SEMA3C: variants seen among roughly 807,000 people sequenced by gnomAD.
SEMA3C encodes the protein semaphorin 3C, also known as semaphorin-3C.
A neutral mutation model predicts 89.4 loss-of-function variants in SEMA3C; 47 were observed. The observed-to-expected ratio is 0.53, with a 90% CI of 0.42 to 0.67. The LOEUF is 0.67. Among genes scored for constraint, SEMA3C ranks in the 30% least tolerant of loss-of-function variants. SEMA3C has a pLI of 0.00. For missense variants in SEMA3C, 839 were observed against 929.1 expected, an observed-to-expected ratio of 0.90 and a Z score of 1.26; for synonymous variants, 310 against 320.2, an observed-to-expected ratio of 0.97 and a Z score of 0.34.
At chr7:80,903,718 T>C (rs1254898222) in intron 2 of SEMA3C, among the ~76,000 whole-genome samples, 1 of 152,168 alleles carries the variant, frequency 6.6e-6, no homozygotes, top group Non-Finnish European at 1.5e-5. Context: ...TCCTTCTCAA[T>C]GGAAACATCA....
intron 15 of SEMA3C, among the ~76,000 whole-genome samples, chr7:80,753,923 G>C (rs931667504): frequency 1.5e-5 from 2 of 132,432 alleles, no homozygotes; most frequent in Non-Finnish European, 3.3e-5. Context: ...GTTTACTAGA[G>C]TTTTGTTTGT....
At chr7:80,815,586 G>C (rs888180584) in intron 5 of SEMA3C, among the ~76,000 whole-genome samples, 7 of 108,818 alleles carry the variant, frequency 6.4e-5, no homozygotes, top group Non-Finnish European at 7.9e-5. Flanking sequence ...AAATGTAGAG[G>C]AAAGGGAATG....
intron 2 of SEMA3C, among the ~76,000 whole-genome samples, chr7:80,847,109 G>A (rs1158052360): frequency 6.6e-6 from 1 of 152,190 alleles, no homozygotes; most frequent in Admixed American, 6.5e-5. Flanking sequence ...AGACTGGAAG[G>A]CTGTGCCTGT....
At chr7:80,753,764 A>G (rs1314377069) in intron 15 of SEMA3C, among the ~76,000 whole-genome samples, 1 of 152,182 alleles carries the variant, frequency 6.6e-6, no homozygotes, top group Non-Finnish European at 1.5e-5. Context: ...TTTATTTGAA[A>G]ATTGGTCTGA....
At chr7:80,867,095 C>T (rs1457400560) in intron 2 of SEMA3C, among the ~76,000 whole-genome samples, 2 of 152,186 alleles carry the variant, frequency 1.3e-5, no homozygotes, top group South Asian at 4.1e-4. Flanking sequence ...ACAAAATACA[C>T]AACAAAATTA....
intron 2 of SEMA3C, among the ~76,000 whole-genome samples, chr7:80,888,512 GGTT>G (rs1471803470): frequency 5.3e-5 from 8 of 152,090 alleles, no homozygotes; most frequent in African/African-American, 1.9e-4. Context: ...GTTCTTACAA[GGTT>G]GTTGACGTGA....
chr7:80,754,745 A>C (rs1429350435), intron 15 of SEMA3C, among the ~76,000 whole-genome samples: 1 of 151,908 alleles, frequency 6.6e-6, no homozygotes, highest in Non-Finnish European at 1.5e-5. Context: ...GAATTAAGGC[A>C]CTGCTGGAGA....
chr7:80,832,980 T>A (rs1440946142), intron 2 of SEMA3C, among the ~76,000 whole-genome samples: 2 of 152,198 alleles, frequency 1.3e-5, no homozygotes, highest in Non-Finnish European at 2.9e-5. Context: ...TTTGATGTTT[T>A]TTCCAAACCA....
At chr7:80,899,814 T>C (rs1327686050) in intron 2 of SEMA3C, among the ~76,000 whole-genome samples, 2 of 152,212 alleles carry the variant, frequency 1.3e-5, no homozygotes, top group Non-Finnish European at 2.9e-5. Context: ...GATTCATTTT[T>C]AAATATTATA....
At chr7:80,848,669 C>T (rs1790443768) in intron 2 of SEMA3C, among the ~76,000 whole-genome samples, 1 of 152,132 alleles carries the variant, frequency 6.6e-6, no homozygotes, top group African/African-American at 2.4e-5. Flanking sequence ...TACTCTGTTT[C>T]TCCAGCAAGT....
chr7:80,752,192 T>G (rs931828835), intron 15 of SEMA3C, among the ~76,000 whole-genome samples: 3 of 152,234 alleles, frequency 2.0e-5, no homozygotes, highest in African/African-American at 2.4e-5. Flanking sequence ...TAATGCATAT[T>G]CTATATTAAA....
intron 6 of SEMA3C, among the ~76,000 whole-genome samples, chr7:80,809,191 C>A (rs191159723): frequency 9.6e-4 from 146 of 152,080 alleles, no homozygotes; most frequent in Non-Finnish European, 1.0e-3. Flanking sequence ...GATCATTAAG[C>A]AATTAGGCCC....
intron 12 of SEMA3C, among the ~76,000 whole-genome samples, chr7:80,772,005 T>C (rs916739980): frequency 1.3e-5 from 2 of 152,212 alleles, no homozygotes; most frequent in Admixed American, 1.3e-4. Flanking sequence ...CCATATTTAC[T>C]AAAAGGCATC....
At chr7:80,852,493 TAA>T (rs1015973248) in intron 2 of SEMA3C, among the ~76,000 whole-genome samples, 3 of 152,070 alleles carry the variant, frequency 2.0e-5, no homozygotes, top group African/African-American at 7.2e-5. Context: ...ATCTCAAGTT[TAA>T]AAGTTTCTGC....
intron 2 of SEMA3C, among the ~76,000 whole-genome samples, chr7:80,843,675 C>T (rs1221892194): frequency 6.6e-6 from 1 of 152,118 alleles, no homozygotes; most frequent in African/African-American, 2.4e-5. Flanking sequence ...GATAATTGTA[C>T]ACTAGCTTTA....
intron 2 of SEMA3C, among the ~76,000 whole-genome samples, chr7:80,870,624 C>T (rs1791033698): frequency 6.6e-6 from 1 of 152,178 alleles, no homozygotes; most frequent in African/African-American, 2.4e-5. Context: ...TCTGGAGGAA[C>T]ACCTATTTTA....
intron 16 of SEMA3C, among the ~76,000 whole-genome samples, chr7:80,750,348 C>T (rs985315101): frequency 3.3e-5 from 5 of 150,258 alleles, no homozygotes; most frequent in Non-Finnish European, 5.9e-5. Flanking sequence ...GCAGGATTCT[C>T]ACTATATCCA....
In SEMA3C at chr7:80,828,479, T is replaced by A. The variant is rs547234423; in HGVS notation, c.264+106A>T. 1.6e-4 allele frequency: 145 copies of A among 910,714 alleles called. No homozygotes were observed. The African/African-American group carries it at 2.1e-3, about 13-fold the overall frequency. 56.4% of individuals were successfully genotyped at this position (910,714 alleles called of 1,614,324 possible). On this transcript the variant is annotated intron_variant, in intron 3 of 17. Transcript: ENST00000265361. ...TTTCATAGTAACATGGGACCAGTAT[T>A]TTCTATTGTTCTAATAAAATGCATA...
intron 2 of SEMA3C, among the ~76,000 whole-genome samples, chr7:80,868,831 G>A (rs879645180): frequency 1.3e-5 from 2 of 152,082 alleles, no homozygotes; most frequent in Non-Finnish European, 2.9e-5. Context: ...GTCATGAAAG[G>A]AACTGGGGCA....
Sources: gnomAD v4.1 joint callset for allele counts (sites outside exome capture counted in the v4.1 genomes callset) on GRCh38, gnomAD v4.1.1 for gene constraint, MANE v1.5 for transcripts, NCBI Gene and HGNC (gene_info 2026-07-23, HGNC 2026-07-21) for gene names.